CSMD1: variants seen among roughly 807,000 people sequenced by gnomAD.
The protein encoded by CSMD1 is CUB and sushi domain-containing protein 1.
In CSMD1, 213 loss-of-function variants were observed where a neutral mutation model predicts 417.5. That is an observed-to-expected ratio of 0.51 (90% confidence interval 0.46 to 0.57). CSMD1 has a LOEUF of 0.57. Among genes scored for constraint, CSMD1 ranks in the 20% least tolerant of loss-of-function variants. The pLI is 0.00. For missense variants in CSMD1, 6,923 were observed against 4,529.7 expected (o/e 1.53, Z -15.17); for synonymous variants, 2,862 against 1,736.8 (o/e 1.65, Z -16.11).
At chr8:3,638,552 G>A (rs936306607) in intron 7 of CSMD1, among the ~76,000 whole-genome samples, 2 of 152,122 alleles carry the variant, frequency 1.3e-5, no homozygotes, top group South Asian at 2.1e-4. Context: ...ATTACAGAGG[G>A]GATGCTTGTC....
rs779702652 is a variant in CSMD1, at chr8:3,230,208, C to T, written c.4177G>A (p.Asp1393Asn). 3.1e-6 allele frequency: 5 copies of T among 1,602,010 alleles called. No homozygotes were observed. The highest frequency in any genetic ancestry group is 1.1e-5 in the South Asian group (1 of 89,416). Residue 1393 changes from aspartate (D) to asparagine (N), a missense_variant, in exon 27 of 70, where the codon GAT (aspartate) becomes AAT (asparagine). By Grantham distance (23) the Asp-to-Asn change is conservative (BLOSUM62 1). Transcript: ENST00000635120. ...FSTSIAATCN[D>N]PGMPQNGTRY... ...GTGCCATTTTGGGGCATACCTGGAT[C>T]GTTACAGGTGGCTGCAATTGAGGCT...
At chr8:3,475,809 C>T (rs1319378298) in intron 11 of CSMD1, among the ~76,000 whole-genome samples, 2 of 152,188 alleles carry the variant, frequency 1.3e-5, no homozygotes, top group Non-Finnish European at 2.9e-5. Flanking sequence ...TTGTTCCTGC[C>T]TTACAACTAG....
At chr8:4,190,174 G>C (rs1038720751) in intron 3 of CSMD1, among the ~76,000 whole-genome samples, 21 of 150,826 alleles carry the variant, frequency 1.4e-4, no homozygotes, top group Admixed American at 6.6e-4. Flanking sequence ...CAAGAGAATG[G>C]CGTGAACCTG....
At chr8:4,456,145 A>G (rs557930729) in intron 2 of CSMD1, among the ~76,000 whole-genome samples, 2 of 151,710 alleles carry the variant, frequency 1.3e-5, no homozygotes, top group East Asian at 1.9e-4. Context: ...TGAGAGGGTT[A>G]ACAGAGAGTG....
intron 2 of CSMD1, among the ~76,000 whole-genome samples, chr8:4,574,367 G>T (rs373043338): frequency 1.3e-5 from 2 of 152,122 alleles, no homozygotes; most frequent in Admixed American, 6.5e-5. Flanking sequence ...GCTTCCCTTG[G>T]CTAGGAGAGG....
At chr8:4,532,757 T>A (rs1796896678) in intron 2 of CSMD1, among the ~76,000 whole-genome samples, 1 of 111,820 alleles carries the variant, frequency 8.9e-6, no homozygotes, top group Admixed American at 1.2e-4. Flanking sequence ...TGCACCCCCA[T>A]TCAGTCACTC....
At chr8:3,355,918 T>C (rs1474998972) in intron 21 of CSMD1, among the ~76,000 whole-genome samples, 1 of 152,124 alleles carries the variant, frequency 6.6e-6, no homozygotes, top group Non-Finnish European at 1.5e-5. Context: ...TGAGGTTGAA[T>C]ACCCAAGGAA....
intron 3 of CSMD1, among the ~76,000 whole-genome samples, chr8:4,334,762 G>C (rs542986448): frequency 6.6e-6 from 1 of 152,150 alleles, no homozygotes; most frequent in Non-Finnish European, 1.5e-5. Context: ...CTACTGTGTA[G>C]TTGAATGTAG....
chr8:4,582,208 A>ACT (rs1366185727), intron 2 of CSMD1, among the ~76,000 whole-genome samples: 7 of 152,128 alleles, frequency 4.6e-5, no homozygotes, highest in Non-Finnish European at 8.8e-5. Context: ...TCTGACACCC[A>ACT]CTAAGCACTT....
intron 1 of CSMD1, among the ~76,000 whole-genome samples, chr8:4,907,654 G>T (rs1585305266): frequency 6.6e-6 from 1 of 152,130 alleles, no homozygotes; most frequent in East Asian, 1.9e-4. Context: ...CAATTTTCCA[G>T]GCTCTAATGA....
At chr8:4,476,633 T>G (rs1296937723) in intron 2 of CSMD1, among the ~76,000 whole-genome samples, 1 of 152,174 alleles carries the variant, frequency 6.6e-6, no homozygotes, top group Non-Finnish European at 1.5e-5. Context: ...CCTTTAGAAA[T>G]AGCAACTCAT....
chr8:3,669,819 G>A (rs752998803), intron 7 of CSMD1, among the ~76,000 whole-genome samples: 8 of 152,272 alleles, frequency 5.3e-5, no homozygotes, highest in Non-Finnish European at 1.2e-4. Flanking sequence ...AGCCAATTCA[G>A]AGAACAGGAC....
chr8:4,306,878 G>A (rs577784750), intron 3 of CSMD1, among the ~76,000 whole-genome samples: 1 of 151,918 alleles, frequency 6.6e-6, no homozygotes, highest in Admixed American at 6.6e-5. Flanking sequence ...TGCAAAATCT[G>A]CAGTTATGCT....
intron 5 of CSMD1, among the ~76,000 whole-genome samples, chr8:3,973,919 A>G (rs544765982): frequency 6.6e-6 from 1 of 152,198 alleles, no homozygotes; most frequent in African/African-American, 2.4e-5. Flanking sequence ...TTGATACAGG[A>G]ATGCCATGTG....
chr8:3,208,030 A>C (rs1797402429), intron 30 of CSMD1, among the ~76,000 whole-genome samples: 1 of 152,136 alleles, frequency 6.6e-6, no homozygotes, highest in Non-Finnish European at 1.5e-5. Flanking sequence ...GTTATGTCAG[A>C]CCTATCTTTC....
At position 3,284,168 on chromosome 8, in the gene CSMD1, A is replaced by G; in HGVS notation, c.4129T>C (p.Ser1377Pro). 1 of 1,577,812 alleles carries G rather than the reference A, an allele frequency of 6.3e-7. No homozygotes were observed. Among genetic ancestry groups the G allele is most frequent in the Non-Finnish European group, 8.6e-7 (1 of 1,162,070 alleles). Residue 1377 changes from serine to proline, a missense_variant, in exon 26 of 70, where the codon TCT (serine) becomes CCT (proline). Coordinates refer to ENST00000635120, the MANE Select transcript of CSMD1 (RefSeq NM_033225.6). Reference sequence around the variant, plus strand: ...CTGGAGAACTGGATGGAGAAGCCAGACTTGCTGATGAAGAAGTCGCTGTCG... The same window carrying G: ...CTGGAGAACTGGATGGAGAAGCCAGGCTTGCTGATGAAGAAGTCGCTGTCG... ...QFDSDFFISK[S>P]GFSIQFSTSI...
intron 37 of CSMD1, among the ~76,000 whole-genome samples, chr8:3,179,092 C>CGT (rs1554452946): frequency 1.3e-4 from 20 of 151,222 alleles, no homozygotes; most frequent in South Asian, 6.3e-4. Flanking sequence ...GGACTACAGG[C>CGT]CCGCCACCAC....
chr8:4,370,346 G>T (rs1055133861), intron 3 of CSMD1, among the ~76,000 whole-genome samples: 1 of 152,120 alleles, frequency 6.6e-6, no homozygotes, highest in Non-Finnish European at 1.5e-5. Flanking sequence ...TAAGTGACCT[G>T]CTCCTTCTCT....
At chr8:4,505,748 C>G (rs532676038) in intron 2 of CSMD1, among the ~76,000 whole-genome samples, 10 of 152,206 alleles carry the variant, frequency 6.6e-5, no homozygotes, top group African/African-American at 2.4e-4. Context: ...TAAGCTACAA[C>G]TCAGTGGCTT....
Sources: allele counts gnomAD v4.1 joint callset (sites outside exome capture counted in the v4.1 genomes callset), GRCh38; gene constraint gnomAD v4.1.1; transcripts MANE v1.5; gene names NCBI Gene and HGNC (gene_info 2026-07-23, HGNC 2026-07-21).